The following UBTD2 variants were observed in gnomAD, a reference collection of about 807,000 sequenced individuals.
The protein encoded by UBTD2 is ubiquitin domain containing 2, also known as ubiquitin domain-containing protein 2.
Under a neutral mutation model 19.8 loss-of-function variants are expected in UBTD2, and 9 were observed. The observed-to-expected ratio is 0.46, with a 90% CI of 0.27 to 0.79. UBTD2 has a LOEUF of 0.79. Among genes scored for constraint, UBTD2 ranks in the 30% least tolerant of loss-of-function variants. The probability of loss-of-function intolerance (pLI) is 0.14; values close to 1 mark genes in which losing one functional copy is unlikely to be tolerated. For missense variants in UBTD2, 250 were observed against 300.4 expected (o/e 0.83, Z 1.24); for synonymous variants, 98 against 103.9 (o/e 0.94, Z 0.35).
chr5:172,241,533 C>T (rs1475280612), intron 1 of UBTD2, among the ~76,000 whole-genome samples: 10 of 150,560 alleles, frequency 6.6e-5, no homozygotes, highest in Non-Finnish European at 4.4e-5. Flanking sequence ...AGAAATAAAA[C>T]TAACTCTAGT....
intron 1 of UBTD2, among the ~76,000 whole-genome samples, chr5:172,258,341 G>T (rs1217275740): frequency 1.3e-5 from 2 of 152,114 alleles, no homozygotes; most frequent in Non-Finnish European, 2.9e-5. Context: ...TCATTCCATT[G>T]TTCTATGTGT....
intron 1 of UBTD2, among the ~76,000 whole-genome samples, chr5:172,235,393 C>T (rs949212764): frequency 2.6e-5 from 4 of 152,146 alleles, no homozygotes; most frequent in African/African-American, 9.7e-5. Flanking sequence ...ACTCTCTGGA[C>T]TTTAGTCAAG....
intron 2 of UBTD2, among the ~76,000 whole-genome samples, chr5:172,220,496 G>C (rs139903324): frequency 1.8e-4 from 27 of 152,248 alleles, no homozygotes; most frequent in African/African-American, 6.3e-4. Flanking sequence ...CTAGCCGAGC[G>C]TGGTGGCACA....
intron 2 of UBTD2, among the ~76,000 whole-genome samples, chr5:172,224,875 A>G (rs1309432915): frequency 6.6e-6 from 1 of 152,224 alleles, no homozygotes; most frequent in African/African-American, 2.4e-5. Context: ...GGGAAGGAAC[A>G]CTCTAAAAGT....
chr5:172,228,195 A>G lies in UBTD2; in HGVS notation c.307+5927T>C, dbSNP rs185280647. On this transcript the variant is annotated intron_variant, in intron 2 of 2. Transcript: ENST00000393792. ...AGAACTAAAACATTAGACATAGACT[A>G]AACACTGAAGATTACTTGTGCAATC... 2.1e-3 allele frequency among the ~76,000 whole-genome samples: 320 copies of G among 152,370 alleles called. 2 individuals are homozygous for G. The highest frequency in any genetic ancestry group is 3.3e-3 in the Non-Finnish European group (224 of 68,038).
chr5:172,280,884 T>C (rs1450998898), intron 1 of UBTD2, among the ~76,000 whole-genome samples: 1 of 152,184 alleles, frequency 6.6e-6, no homozygotes. Context: ...GAAGGTTTTA[T>C]TGATATACAC....
chr5:172,261,529 A>T (rs1755269584), intron 1 of UBTD2, among the ~76,000 whole-genome samples: 1 of 152,210 alleles, frequency 6.6e-6, no homozygotes, highest in African/African-American at 2.4e-5. Context: ...TAATCAAGTA[A>T]AGGGGCACAA....
intron 1 of UBTD2, among the ~76,000 whole-genome samples, chr5:172,267,892 A>T (rs78800799): frequency 6.6e-6 from 1 of 152,252 alleles, no homozygotes; most frequent in African/African-American, 2.4e-5. Flanking sequence ...GTCATAAAGA[A>T]ACGGAAGATG....
chr5:172,235,022 G>T (rs538763887), intron 1 of UBTD2, among the ~76,000 whole-genome samples: 7 of 152,154 alleles, frequency 4.6e-5, no homozygotes, highest in Non-Finnish European at 1.0e-4. Context: ...TAGGCACTGG[G>T]AGTACATAGG....
chr5:172,234,668 A>T (rs1771972377), intron 1 of UBTD2, among the ~76,000 whole-genome samples: 1 of 152,172 alleles, frequency 6.6e-6, no homozygotes, highest in African/African-American at 2.4e-5. Context: ...GCACTTTGGG[A>T]GGCTGAGGTG....
At chr5:172,272,512 A>G (rs924491898) in intron 1 of UBTD2, among the ~76,000 whole-genome samples, 6 of 152,224 alleles carry the variant, frequency 3.9e-5, no homozygotes, top group Non-Finnish European at 8.8e-5. Flanking sequence ...GAGAGTCATT[A>G]AATCAGCAAA....
intron 1 of UBTD2, among the ~76,000 whole-genome samples, chr5:172,239,870 C>T (rs1416456995): frequency 6.6e-6 from 1 of 152,126 alleles, no homozygotes; most frequent in East Asian, 1.9e-4. Context: ...CACCATTGCA[C>T]TCCAGCCTGG....
At chr5:172,278,826 G>A (rs1024429702) in intron 1 of UBTD2, among the ~76,000 whole-genome samples, 22 of 152,096 alleles carry the variant, frequency 1.4e-4, no homozygotes, top group African/African-American at 5.3e-4. Context: ...CCAGGCTGGA[G>A]TGCAATGGCG....
chr5:172,268,484 C>T (rs1268442295), intron 1 of UBTD2, among the ~76,000 whole-genome samples: 1 of 152,184 alleles, frequency 6.6e-6, no homozygotes, highest in Non-Finnish European at 1.5e-5. Context: ...GTACATTCTA[C>T]AAGACTCTTC....
At chr5:172,214,248 G>A (rs889585349) in intron 2 of UBTD2, among the ~76,000 whole-genome samples, 4 of 152,174 alleles carry the variant, frequency 2.6e-5, no homozygotes, top group Admixed American at 6.5e-5. Context: ...TTAATGAACC[G>A]GTATTTGTGT....
intron 1 of UBTD2, among the ~76,000 whole-genome samples, chr5:172,235,646 T>C (rs188455403): frequency 1.5e-3 from 221 of 152,268 alleles, no homozygotes; most frequent in African/African-American, 5.1e-3. Flanking sequence ...TATGTAGTAG[T>C]AGCGCTGGAA....
At chr5:172,220,989 T>C (rs1771639942) in intron 2 of UBTD2, among the ~76,000 whole-genome samples, 1 of 152,316 alleles carries the variant, frequency 6.6e-6, no homozygotes, top group Non-Finnish European at 1.5e-5. Context: ...GCAAGTAGAA[T>C]ATGAAATTTA....
At chr5:172,249,917 T>C (rs1754959484) in intron 1 of UBTD2, among the ~76,000 whole-genome samples, 1 of 152,230 alleles carries the variant, frequency 6.6e-6, no homozygotes, top group African/African-American at 2.4e-5. Flanking sequence ...ATAGTCTTTA[T>C]TGAAAACCTA....
At chr5:172,224,227 A>C (rs1390903189) in intron 2 of UBTD2, among the ~76,000 whole-genome samples, 2 of 151,350 alleles carry the variant, frequency 1.3e-5, no homozygotes, top group Non-Finnish European at 2.9e-5. Flanking sequence ...AGGTGACTGG[A>C]TCACAGGGGC....
Sources: allele counts gnomAD v4.1 joint callset (sites outside exome capture counted in the v4.1 genomes callset), GRCh38; gene constraint gnomAD v4.1.1; transcripts MANE v1.5; gene names NCBI Gene and HGNC (gene_info 2026-07-23, HGNC 2026-07-21).